HNF4A: variants seen among roughly 807,000 people sequenced by gnomAD.
The protein encoded by HNF4A is hepatocyte nuclear factor 4-alpha.
Under a neutral mutation model 52.4 loss-of-function variants are expected in HNF4A, and 15 were observed. The ratio of observed to expected loss-of-function variants is 0.29; its 90% CI spans 0.19 to 0.44. HNF4A has a LOEUF of 0.44. Among genes scored for constraint, HNF4A ranks in the 20% least tolerant of loss-of-function variants. The pLI is 1.00. For missense variants in HNF4A, 479 were observed against 647.2 expected (o/e 0.74, Z 2.82); for synonymous variants, 280 against 264.4 (o/e 1.06, Z -0.57).
chr20:44,370,139 G>A (rs150833145), intron 1 of HNF4A, among the ~76,000 whole-genome samples: 6 of 152,128 alleles, frequency 3.9e-5, no homozygotes, highest in African/African-American at 1.4e-4. Context: ...CCATTCTCCC[G>A]CCTCAGCCCC....
At chr20:44,423,131 G>C (rs1226310100) in intron 7 of HNF4A, among the ~76,000 whole-genome samples, 1 of 152,038 alleles carries the variant, frequency 6.6e-6, no homozygotes, top group Non-Finnish European at 1.5e-5. Context: ...AGCCTGACCA[G>C]CATGGTGAAA....
At chr20:44,371,907 TC>T (rs2063038117) in intron 1 of HNF4A, among the ~76,000 whole-genome samples, 1 of 152,184 alleles carries the variant, frequency 6.6e-6, no homozygotes, top group African/African-American at 2.4e-5. Context: ...GAGACAACAG[TC>T]TCCTGGAGCC....
intron 1 of HNF4A, among the ~76,000 whole-genome samples, chr20:44,403,966 C>G (rs1477519302): frequency 1.3e-5 from 2 of 151,992 alleles, no homozygotes; most frequent in Non-Finnish European, 2.9e-5. Context: ...GAGGAGAGGC[C>G]GAGGGAGAAA....
intron 1 of HNF4A, among the ~76,000 whole-genome samples, chr20:44,371,916 G>A (rs1361790057): frequency 6.6e-6 from 1 of 152,216 alleles, no homozygotes; most frequent in Non-Finnish European, 1.5e-5. Flanking sequence ...GTCTCCTGGA[G>A]CCACTTTAGA....
At chr20:44,422,768 C>A (rs2063764395) in intron 7 of HNF4A, among the ~76,000 whole-genome samples, 2 of 151,544 alleles carry the variant, frequency 1.3e-5, no homozygotes, top group African/African-American at 2.4e-5. Flanking sequence ...CGACCTCCAC[C>A]TCCCAGTTTC....
chr20:44,396,499 T>C (rs1482855609), upstream of HNF4A, among the ~76,000 whole-genome samples: 1 of 152,026 alleles, frequency 6.6e-6, no homozygotes, highest in East Asian at 1.9e-4. Context: ...GGCTCTGAGG[T>C]CCTCTGCTAT....
intron 7 of HNF4A, 151 bp downstream of exon 7, chr20:44,420,027 G>A: frequency 1.2e-6 from 1 of 842,172 alleles, no homozygotes; most frequent in South Asian, 1.4e-5. Context: ...GATGAGGCAA[G>A]TCAAGATTTG....
chr20:44,406,650 C>T lies in HNF4A; in HGVS notation c.290+418C>T, dbSNP rs115289315. 6.8e-3 allele frequency among the ~76,000 whole-genome samples: 1,036 copies of T among 152,316 alleles called. 8 individuals are homozygous for T. The highest frequency in any genetic ancestry group is 0.024 in the African/African-American group (1,004 of 41,564). ...CACCTACCCCAGGGGCTTCCACCAA[C>T]CCCAAAGTCTTCCCAAGGCCTTGGA... On this transcript the variant is annotated intron_variant, in intron 2 of 9. Coordinates refer to ENST00000316099, the MANE Select transcript of HNF4A (RefSeq NM_000457.6).
chr20:44,386,469 C>A (rs1273347898), intron 1 of HNF4A, among the ~76,000 whole-genome samples: 1 of 152,104 alleles, frequency 6.6e-6, no homozygotes, highest in Non-Finnish European at 1.5e-5. Flanking sequence ...GCCCAGCTGC[C>A]ATCTGAATTT....
chr20:44,382,245 C>CTTTCTTTCTT (rs1555809398), intron 1 of HNF4A, among the ~76,000 whole-genome samples: 4 of 145,812 alleles, frequency 2.7e-5, no homozygotes, highest in African/African-American at 1.0e-4. Flanking sequence ...TTCTTTCTTT[C>CTTTCTTTCTT]TTTTTTTTTT....
At chr20:44,433,096 G>A (rs2063896644), downstream of HNF4A, 1 of 152,148 alleles carries the variant, frequency 6.6e-6, no homozygotes, top group South Asian at 2.1e-4. Flanking sequence ...TCTCTTGGAA[G>A]GCAGAGGTGG....
At chr20:44,388,572 A>C (rs1174098172) in intron 1 of HNF4A, among the ~76,000 whole-genome samples, 4 of 152,080 alleles carry the variant, frequency 2.6e-5, no homozygotes, top group African/African-American at 9.7e-5. Flanking sequence ...GATCGAACCG[A>C]GCAGGCCTCC....
chr20:44,406,926 A>G (rs1181467710), intron 2 of HNF4A, among the ~76,000 whole-genome samples: 5 of 152,174 alleles, frequency 3.3e-5, no homozygotes, highest in Non-Finnish European at 7.3e-5. Flanking sequence ...GCCAGGGTTA[A>G]CATTCAGGGC....
At chr20:44,386,973 T>C (rs1228216824) in intron 1 of HNF4A, among the ~76,000 whole-genome samples, 2 of 152,120 alleles carry the variant, frequency 1.3e-5, no homozygotes, top group African/African-American at 2.4e-5. Flanking sequence ...ACCTTTTCAG[T>C]CATTCATCCA....
chr20:44,407,513 C>G (rs1428548828), intron 3 of HNF4A, 38 bp downstream of exon 3: 1 of 1,315,116 alleles, frequency 7.6e-7, no homozygotes, highest in South Asian at 1.2e-5. Context: ...ACCACTGCCC[C>G]ACCTGCACCC....
At chr20:44,404,627 CTA>C (rs1254987983) in intron 1 of HNF4A, among the ~76,000 whole-genome samples, 3 of 148,930 alleles carry the variant, frequency 2.0e-5, no homozygotes, top group South Asian at 4.3e-4. Flanking sequence ...TGTGTGTGGA[CTA>C]TGTGCAAGTG....
At chr20:44,434,525 G>GT (rs1039498249), downstream of HNF4A, 3 of 141,356 alleles carry the variant, frequency 2.1e-5, no homozygotes, top group Non-Finnish European at 4.6e-5. Flanking sequence ...GCGCGGGGGG[G>GT]GGGGGGTGGA....
intron 2 of HNF4A, among the ~76,000 whole-genome samples, chr20:44,406,785 A>G (rs76541982): frequency 1.3e-4 from 20 of 152,348 alleles, no homozygotes; most frequent in African/African-American, 4.3e-4. Flanking sequence ...CCATCGGCGC[A>G]TGACTTCATT....
intron 5 of HNF4A, among the ~76,000 whole-genome samples, chr20:44,416,143 C>CT (rs1374394387): frequency 6.6e-6 from 1 of 152,158 alleles, no homozygotes; most frequent in Admixed American, 6.5e-5. Flanking sequence ...CCCGGCCCAC[C>CT]CCCCAGAACA....
Sources: gnomAD v4.1 joint callset for allele counts (sites outside exome capture counted in the v4.1 genomes callset) on GRCh38, gnomAD v4.1.1 for gene constraint, MANE v1.5 for transcripts, NCBI Gene and HGNC (gene_info 2026-07-23, HGNC 2026-07-21) for gene names.